Variants in PDZRN4 observed in about 807,000 individuals in gnomAD.
PDZRN4 encodes the protein PDZ domain containing ring finger 4.
In PDZRN4, 70 loss-of-function variants were observed where a neutral mutation model predicts 99.0. That is an observed-to-expected ratio of 0.71 (90% CI 0.58 to 0.86). The LOEUF (loss-of-function observed/expected upper bound fraction) is 0.86, where lower values mean the gene tolerates loss of function less well. PDZRN4 is among the 40% of genes least tolerant of loss of function. PDZRN4 has a pLI of 0.00. For synonymous variants in PDZRN4, 551 were observed against 501.6 expected, an observed-to-expected ratio of 1.10 and a Z score of -1.32; for missense variants, 1,474 against 1,331.2, an observed-to-expected ratio of 1.11 and a Z score of -1.67.
intron 3 of PDZRN4, among the ~76,000 whole-genome samples, chr12:41,288,279 T>A (rs767661884): frequency 1.3e-5 from 2 of 152,154 alleles, no homozygotes; most frequent in Non-Finnish European, 2.9e-5. Context: ...CATTTTAGTA[T>A]GTCAGTAGGC....
At chr12:41,379,810 A>G (rs1952110036) in intron 3 of PDZRN4, among the ~76,000 whole-genome samples, 1 of 151,904 alleles carries the variant, frequency 6.6e-6, no homozygotes, top group African/African-American at 2.4e-5. Context: ...ATTTGAGAAG[A>G]ATGTGTATTT....
chr12:41,222,996 A>G (rs1221118341), intron 3 of PDZRN4, among the ~76,000 whole-genome samples: 1 of 152,196 alleles, frequency 6.6e-6, no homozygotes, highest in East Asian at 1.9e-4. Flanking sequence ...CAGATTTAAG[A>G]TTCCATTTTT....
chr12:41,463,370 T>C (rs1952890541), intron 3 of PDZRN4, among the ~76,000 whole-genome samples: 1 of 152,194 alleles, frequency 6.6e-6, no homozygotes, highest in Non-Finnish European at 1.5e-5. Flanking sequence ...GTACTCCTAA[T>C]TTATATGTCT....
chr12:41,552,405 G>A (rs1003298773), intron 5 of PDZRN4, among the ~76,000 whole-genome samples: 1 of 151,860 alleles, frequency 6.6e-6, no homozygotes, highest in East Asian at 1.9e-4. Flanking sequence ...GTTTTGCATT[G>A]ACAGCTTGAT....
intron 3 of PDZRN4, among the ~76,000 whole-genome samples, chr12:41,389,779 G>A (rs1054924106): frequency 1.2e-4 from 18 of 152,080 alleles, no homozygotes; most frequent in Non-Finnish European, 7.4e-5. Context: ...ATTGCCCTTC[G>A]TGCTGGGCAC....
chr12:41,346,710 A>G (rs1951857506), intron 3 of PDZRN4, among the ~76,000 whole-genome samples: 1 of 152,116 alleles, frequency 6.6e-6, no homozygotes, highest in South Asian at 2.1e-4. Flanking sequence ...TAAGTATGCA[A>G]TTCAATGGTT....
At chr12:41,507,703 G>C (rs1374900749) in intron 4 of PDZRN4, among the ~76,000 whole-genome samples, 1 of 152,062 alleles carries the variant, frequency 6.6e-6, no homozygotes, top group Non-Finnish European at 1.5e-5. Context: ...AGTCTCCCTA[G>C]GCAATCCTAA....
chr12:41,457,767 G>A (rs1322566432), intron 3 of PDZRN4, among the ~76,000 whole-genome samples: 1 of 152,192 alleles, frequency 6.6e-6, no homozygotes, highest in Non-Finnish European at 1.5e-5. Flanking sequence ...ACTTTTTGGT[G>A]ATAGGAGTAG....
intron 3 of PDZRN4, among the ~76,000 whole-genome samples, chr12:41,255,049 T>TAAAGAAAAGAAAAGAAAGAGAA (rs1951194740): frequency 2.0e-5 from 3 of 151,932 alleles, no homozygotes; most frequent in African/African-American, 7.3e-5. Flanking sequence ...CCCTCCAGCA[T>TAAAGAAAAGAAAAGAAAGAGAA]AAAGAAAAGA....
intron 5 of PDZRN4, among the ~76,000 whole-genome samples, chr12:41,543,388 A>G (rs1347016897): frequency 6.6e-6 from 1 of 152,118 alleles, no homozygotes; most frequent in Admixed American, 6.6e-5. Context: ...TCTGATGAGT[A>G]GTTGCTGAGT....
chr12:41,510,917 G>A (rs531147400), intron 5 of PDZRN4, among the ~76,000 whole-genome samples: 4 of 151,980 alleles, frequency 2.6e-5, no homozygotes, highest in Admixed American at 1.3e-4. Context: ...CTGAGTAGAT[G>A]GTTTTTGTCA....
chr12:41,564,065 C>A (rs2120836866), intron 8 of PDZRN4, among the ~76,000 whole-genome samples: 1 of 152,038 alleles, frequency 6.6e-6, no homozygotes, highest in African/African-American at 2.4e-5. Flanking sequence ...CTGTGTGGAT[C>A]CTTGCTTTAA....
intron 6 of PDZRN4, among the ~76,000 whole-genome samples, chr12:41,555,403 A>G (rs7974945): frequency 0.054 from 7,860 of 145,162 alleles, 431 homozygotes; most frequent in East Asian, 0.2. Flanking sequence ...AACAAATGTG[A>G]AAAAAAAAAA....
At chr12:41,298,968 C>T (rs912984658) in intron 3 of PDZRN4, among the ~76,000 whole-genome samples, 2 of 152,052 alleles carry the variant, frequency 1.3e-5, no homozygotes, top group Non-Finnish European at 2.9e-5. Context: ...CACTGCATCC[C>T]CCTTTGGCCT....
chr12:41,488,321 A>G (rs868023600), intron 3 of PDZRN4, among the ~76,000 whole-genome samples: 4 of 152,196 alleles, frequency 2.6e-5, no homozygotes, highest in African/African-American at 9.6e-5. Context: ...TAGGGTGTGC[A>G]TTAGAGTCAA....
At chr12:41,283,484 T>C (rs2405907) in intron 3 of PDZRN4, among the ~76,000 whole-genome samples, 104,611 of 152,088 alleles carry the variant, frequency 0.69, 36,919 homozygotes, top group Middle Eastern at 0.83. Flanking sequence ...CAACAGAAAA[T>C]GAGGGAATCC....
intron 5 of PDZRN4, among the ~76,000 whole-genome samples, chr12:41,547,574 G>A (rs1006725518): frequency 5.3e-5 from 8 of 152,024 alleles, no homozygotes; most frequent in Non-Finnish European, 1.2e-4. Flanking sequence ...GCAGTCAGCC[G>A]AGATCATATC....
chr12:41,224,384 A>AT (rs1258872630), intron 3 of PDZRN4, among the ~76,000 whole-genome samples: 1 of 152,170 alleles, frequency 6.6e-6, no homozygotes, highest in African/African-American at 2.4e-5. Context: ...TCATTACATT[A>AT]TTTTTTGTTG....
chr12:41,213,406 G>A (rs1488469641), intron 3 of PDZRN4, among the ~76,000 whole-genome samples: 1 of 151,966 alleles, frequency 6.6e-6, no homozygotes, highest in Non-Finnish European at 1.5e-5. Flanking sequence ...GTAAGCAACA[G>A]GCATCCTCCT....
Sources: allele counts gnomAD v4.1 joint callset (sites outside exome capture counted in the v4.1 genomes callset), GRCh38; gene constraint gnomAD v4.1.1; transcripts MANE v1.5; gene names NCBI Gene and HGNC (gene_info 2026-07-23, HGNC 2026-07-21).